The following EXOC2 variants were observed in gnomAD, a reference collection of about 807,000 sequenced individuals.
The protein encoded by EXOC2 is SEC5-like 1.
EXOC2 carries 70 observed loss-of-function variants against 131.8 expected under a neutral mutation model. The observed-to-expected ratio is 0.53, with a 90% CI of 0.44 to 0.65. The LOEUF (loss-of-function observed/expected upper bound fraction) is 0.65. EXOC2 is among the 30% of genes least tolerant of loss of function. EXOC2 has a pLI of 0.00. For missense variants in EXOC2, 923 were observed against 1,108.6 expected, an observed-to-expected ratio of 0.83 and a Z score of 2.38; for synonymous variants, 411 against 398.4, an observed-to-expected ratio of 1.03 and a Z score of -0.38.
intron 20 of EXOC2, among the ~76,000 whole-genome samples, chr6:554,338 C>T (rs1032241547): frequency 6.6e-6 from 1 of 152,158 alleles, no homozygotes; most frequent in East Asian, 1.9e-4. Flanking sequence ...CCATGTCCGG[C>T]CAGAAACTTT....
At chr6:637,603 G>T in intron 2 of EXOC2, 98 bp downstream of exon 2, 2 of 878,440 alleles carry the variant, frequency 2.3e-6, no homozygotes, top group Non-Finnish European at 3.5e-6. Context: ...AAAGATGTTT[G>T]TTCTATCACC....
intron 13 of EXOC2, among the ~76,000 whole-genome samples, chr6:572,119 C>A (rs1462174173): frequency 6.6e-6 from 1 of 152,210 alleles, no homozygotes; most frequent in Non-Finnish European, 1.5e-5. Flanking sequence ...GACTTTGTTC[C>A]GGGTGCCGGC....
intron 11 of EXOC2, among the ~76,000 whole-genome samples, chr6:585,813 T>A (rs1342556746): frequency 6.6e-6 from 1 of 152,258 alleles, no homozygotes; most frequent in Non-Finnish European, 1.5e-5. Flanking sequence ...TTATAGTCTA[T>A]CCATTTAAAA....
intron 23 of EXOC2, among the ~76,000 whole-genome samples, chr6:511,237 T>A (rs1445350442): frequency 6.6e-6 from 1 of 152,212 alleles, no homozygotes; most frequent in Non-Finnish European, 1.5e-5. Flanking sequence ...CCCCTTTGAC[T>A]GCAGTCATTA....
chr6:630,555 A>G (rs1761794082), intron 3 of EXOC2, among the ~76,000 whole-genome samples: 2 of 152,258 alleles, frequency 1.3e-5, no homozygotes, highest in South Asian at 4.1e-4. Flanking sequence ...TCTGGGTTCC[A>G]TAAGCTACCT....
intron 11 of EXOC2, among the ~76,000 whole-genome samples, chr6:584,795 G>A (rs1759108593): frequency 6.6e-6 from 1 of 152,196 alleles, no homozygotes; most frequent in Admixed American, 6.5e-5. Context: ...CCTTTTAGAA[G>A]TTCTAATTAA....
chr6:632,543 G>C (rs1225901285), intron 3 of EXOC2, among the ~76,000 whole-genome samples: 1 of 151,990 alleles, frequency 6.6e-6, no homozygotes, highest in African/African-American at 2.4e-5. Context: ...TAAAATGAAG[G>C]AAAAGGGAAT....
At chr6:615,181 G>GT (rs751814948) in intron 6 of EXOC2, among the ~76,000 whole-genome samples, 19,074 of 107,256 alleles carry the variant, frequency 0.18, 1,387 homozygotes, top group East Asian at 0.24. Flanking sequence ...ATGTGGGTGT[G>GT]GGTGTGTGTG....
intron 23 of EXOC2, among the ~76,000 whole-genome samples, chr6:507,725 A>T (rs936251351): frequency 1.3e-5 from 2 of 152,200 alleles, no homozygotes; most frequent in African/African-American, 4.8e-5. Flanking sequence ...CTTAGCTGGA[A>T]AATCAGTTAA....
At chr6:531,445 C>T (rs1766080916) in intron 23 of EXOC2, among the ~76,000 whole-genome samples, 1 of 35,838 alleles carries the variant, frequency 2.8e-5, no homozygotes, top group South Asian at 7.3e-4. Context: ...GGAATAAGGG[C>T]TGGCATGACT....
chr6:529,119 C>T (rs6938136), intron 23 of EXOC2, among the ~76,000 whole-genome samples: 1 of 148,106 alleles, frequency 6.8e-6, no homozygotes, highest in Admixed American at 6.7e-5. Flanking sequence ...GCCTTTTACC[C>T]CCCCCCGCGC....
intron 13 of EXOC2, among the ~76,000 whole-genome samples, chr6:570,097 A>G (rs995797932): frequency 5.3e-5 from 8 of 151,736 alleles, no homozygotes; most frequent in Admixed American, 5.3e-4. Context: ...AACAAACACT[A>G]CGGCTTAAAA....
At chr6:644,003 A>G (rs1214006184) in intron 1 of EXOC2, among the ~76,000 whole-genome samples, 1 of 152,178 alleles carries the variant, frequency 6.6e-6, no homozygotes. Flanking sequence ...TATCTTCATA[A>G]AGATTAAATA....
intron 1 of EXOC2, among the ~76,000 whole-genome samples, chr6:641,988 T>A (rs1355212019): frequency 3.3e-5 from 5 of 152,078 alleles, no homozygotes; most frequent in African/African-American, 1.2e-4. Context: ...CTCCTCCACA[T>A]CCCGTTCAAA....
intron 22 of EXOC2, among the ~76,000 whole-genome samples, chr6:544,283 T>C (rs1173241269): frequency 1.3e-5 from 2 of 152,216 alleles, no homozygotes; most frequent in East Asian, 1.9e-4. Flanking sequence ...ACTTTCTGTA[T>C]TGGGGAGGTA....
At chr6:648,838 C>T (rs995760250) in intron 1 of EXOC2, among the ~76,000 whole-genome samples, 2 of 150,900 alleles carry the variant, frequency 1.3e-5, no homozygotes, top group Non-Finnish European at 2.9e-5. Context: ...CCTTCCACCT[C>T]AGCCTTACAA....
At chr6:529,146 T>C (rs549042462) in intron 23 of EXOC2, among the ~76,000 whole-genome samples, 1 of 150,162 alleles carries the variant, frequency 6.7e-6, no homozygotes, top group East Asian at 2.0e-4. Context: ...TACTGCTCAC[T>C]CAAGTGCTGC....
At chr6:541,135 T>A (rs1401114231) in intron 22 of EXOC2, among the ~76,000 whole-genome samples, 1 of 152,128 alleles carries the variant, frequency 6.6e-6, no homozygotes, top group Admixed American at 6.5e-5. Flanking sequence ...TTCTCTGACC[T>A]CAGAACAATG....
rs192938314 is a variant in EXOC2, at chr6:581,023, G to A, written c.1193-4141C>T. Among the ~76,000 whole-genome samples, 14 of 152,340 alleles carry A rather than the reference G, an allele frequency of 9.2e-5. No individual in the cohort carries two copies. The East Asian group carries it at 2.5e-3, about 27-fold the overall frequency. On this transcript the variant is annotated intron_variant, in intron 11 of 27. Coordinates refer to ENST00000230449, the MANE Select transcript of EXOC2 (RefSeq NM_018303.6). The stretch of plus-strand genomic sequence containing the variant: ...AAAAGTAACAGTGTGGCCGGGCGCG[G>A]TGGCTCATGCCTGTAATCCCAGCAC...
Sources: gnomAD v4.1 joint callset for allele counts (sites outside exome capture counted in the v4.1 genomes callset) on GRCh38, gnomAD v4.1.1 for gene constraint, MANE v1.5 for transcripts, NCBI Gene and HGNC (gene_info 2026-07-23, HGNC 2026-07-21) for gene names.